NADSYN1: variants seen among roughly 807,000 people sequenced by gnomAD.
NADSYN1 encodes NAD synthetase 1.
In NADSYN1, 80 loss-of-function variants were observed where a neutral mutation model predicts 99.3. The observed-to-expected ratio is 0.81, with a 90% CI of 0.67 to 0.97. The LOEUF is 0.97. NADSYN1 is among the 50% of genes least tolerant of loss of function. The probability of loss-of-function intolerance (pLI) is 0.00; values close to 1 mark genes in which losing one functional copy is unlikely to be tolerated. For missense variants in NADSYN1, 859 were observed against 948.5 expected, an observed-to-expected ratio of 0.91 and a Z score of 1.24; for synonymous variants, 385 against 372.1, an observed-to-expected ratio of 1.03 and a Z score of -0.40.
At position 71,473,555 on chromosome 11, in the gene NADSYN1, G is replaced by A. The variant is rs368774878; in HGVS notation, c.549-14G>A. The A allele has an allele frequency of 5.6e-6, 9 of 1,604,458 alleles. No individual in the cohort carries two copies. The highest frequency in any genetic ancestry group is 6.8e-6 in the Non-Finnish European group (8 of 1,173,442). On this transcript the variant is annotated splice_polypyrimidine_tract_variant and intron_variant, in intron 7 of 20. Coordinates refer to ENST00000319023, the MANE Select transcript of NADSYN1 (RefSeq NM_018161.5). ...GTCTGGTGGCCTGTTCTCTTCACCT[G>A]CCTCTGCCTGCAGCCCGCACATCGA...
intron 5 of NADSYN1, chr11:71,464,386 G>C: frequency 2.2e-6 from 1 of 448,336 alleles, no homozygotes; most frequent in Admixed American, 3.7e-5. Context: ...CTCAGGGCGC[G>C]GTTACACAAT....
chr11:71,456,936 C>T (rs1207438921), intron 2 of NADSYN1, among the ~76,000 whole-genome samples: 2 of 152,208 alleles, frequency 1.3e-5, no homozygotes, highest in African/African-American at 4.8e-5. Context: ...GCCCAGTGGC[C>T]CTAGAGCAGG....
intron 18 of NADSYN1, among the ~76,000 whole-genome samples, chr11:71,495,913 G>T (rs1385132044): frequency 6.6e-6 from 1 of 152,232 alleles, no homozygotes; most frequent in Admixed American, 6.5e-5. Flanking sequence ...AAAGGGCCTG[G>T]GTTGTATGAG....
chr11:71,484,698 A>G, intron 15 of NADSYN1: 1 of 511,444 alleles, frequency 2.0e-6, no homozygotes, highest in Admixed American at 3.3e-5. Context: ...TGTAAGAGCA[A>G]GAGCGGGGGT....
intron 19 of NADSYN1, among the ~76,000 whole-genome samples, chr11:71,498,126 G>GC (rs1949832402): frequency 6.6e-6 from 1 of 151,770 alleles, no homozygotes; most frequent in Non-Finnish European, 1.5e-5. Flanking sequence ...AGCATCAGAG[G>GC]TGGGGGACCC....
At chr11:71,477,668 GCC>G (rs989222722) in intron 9 of NADSYN1, among the ~76,000 whole-genome samples, 1 of 152,218 alleles carries the variant, frequency 6.6e-6, no homozygotes, top group African/African-American at 2.4e-5. Context: ...CCCTACCATA[GCC>G]GGGTTCAAAG....
chr11:71,491,882 A>G lies in NADSYN1; in HGVS notation c.1743A>G (p.Gly581=), dbSNP rs751045405. ...CAGAGCTGGAGCCCTTGGCTGATGG[A>G]CAGGTGTCCCAGACCGACGAGGTAA... The part of the protein sequence containing the change: ...ATAELEPLAD[G]QVSQTDEEDM... The change falls in exon 18 of 21, where the codon GGA becomes GGG. Residue 581 remains glycine (G), a synonymous_variant. Coordinates refer to ENST00000319023, the MANE Select transcript of NADSYN1 (RefSeq NM_018161.5). 1 of 1,613,920 alleles carries G rather than the reference A, an allele frequency of 6.2e-7. No homozygotes were observed. Among genetic ancestry groups the G allele is most frequent in the South Asian group, 1.1e-5 (1 of 91,050 alleles).
chr11:71,477,255 A>G (rs1462980194), intron 9 of NADSYN1: 1 of 1,227,124 alleles, frequency 8.1e-7, no homozygotes. Flanking sequence ...GGAGAGTGGG[A>G]TGGAGCCACC....
intron 16 of NADSYN1, among the ~76,000 whole-genome samples, chr11:71,488,287 C>T (rs565967453): frequency 8.1e-4 from 123 of 151,742 alleles, no homozygotes; most frequent in African/African-American, 2.8e-3. Flanking sequence ...TTGTAGGAAA[C>T]GTCCGCCGAG....
intron 5 of NADSYN1, among the ~76,000 whole-genome samples, chr11:71,471,457 G>A (rs1196201577): frequency 6.6e-6 from 1 of 152,232 alleles, no homozygotes; most frequent in Non-Finnish European, 1.5e-5. Context: ...TCCTCAAGGT[G>A]TGCGCTGGCT....
At chr11:71,497,373 T>C (rs1480795173) in intron 18 of NADSYN1, 110 bp from the exon 19 acceptor site, 45 of 1,426,616 alleles carry the variant, frequency 3.2e-5, no homozygotes, top group Non-Finnish European at 4.2e-5. Context: ...CCTGCCTCTC[T>C]GGGAAAGTAT....
intron 2 of NADSYN1, chr11:71,455,426 T>A (rs1949506899): frequency 1.3e-5 from 6 of 473,002 alleles, no homozygotes; most frequent in Non-Finnish European, 2.2e-5. Flanking sequence ...AAAGTTGGGC[T>A]GCTTCTGTGT....
At chr11:71,463,884 C>A (rs1303737117) in intron 4 of NADSYN1, among the ~76,000 whole-genome samples, 169 bp from the exon 5 acceptor site, 1 of 152,232 alleles carries the variant, frequency 6.6e-6, no homozygotes, top group Non-Finnish European at 1.5e-5. Flanking sequence ...GCCATGGGGA[C>A]CCGAGTCATA....
At chr11:71,465,332 A>T (rs1348781557) in intron 5 of NADSYN1, among the ~76,000 whole-genome samples, 2 of 152,140 alleles carry the variant, frequency 1.3e-5, no homozygotes, top group South Asian at 2.1e-4. Context: ...TGCAAGTAGA[A>T]GATGCACAGA....
At chr11:71,463,616 T>G (rs1285925074) in intron 4 of NADSYN1, 131 bp downstream of exon 4, 5 of 833,526 alleles carry the variant, frequency 6.0e-6, no homozygotes, top group Non-Finnish European at 9.4e-6. Flanking sequence ...GTGCCCGGGC[T>G]TAGTGAGGGC....
intron 14 of NADSYN1, 63 bp from the exon 15 acceptor site, chr11:71,484,249 C>T (rs2120483859): frequency 1.3e-6 from 2 of 1,580,440 alleles, no homozygotes; most frequent in Non-Finnish European, 1.7e-6. Flanking sequence ...CTTCACCGCT[C>T]ATGCGCACAC....
intron 5 of NADSYN1, among the ~76,000 whole-genome samples, chr11:71,466,480 C>T (rs1223817908): frequency 6.6e-6 from 1 of 152,206 alleles, no homozygotes; most frequent in Non-Finnish European, 1.5e-5. Context: ...CTGCCTCACC[C>T]CGCCCTCTAG....
At chr11:71,455,023 C>T in intron 1 of NADSYN1, 87 bp from the exon 2 acceptor site, 1 of 978,368 alleles carries the variant, frequency 1.0e-6, no homozygotes, top group Non-Finnish European at 1.6e-6. Context: ...TTTTTTTATC[C>T]TACCTACTGC....
At chr11:71,478,300 A>T in intron 9 of NADSYN1, 95 bp from the exon 10 acceptor site, 1 of 1,018,828 alleles carries the variant, frequency 9.8e-7, no homozygotes, top group Non-Finnish European at 1.5e-6. Flanking sequence ...CCCCTGCTTT[A>T]GAAGGTGTGA....
Sources: allele counts gnomAD v4.1 joint callset (sites outside exome capture counted in the v4.1 genomes callset), GRCh38; gene constraint gnomAD v4.1.1; transcripts MANE v1.5; gene names NCBI Gene and HGNC (gene_info 2026-07-23, HGNC 2026-07-21).